RET: variants seen among roughly 807,000 people sequenced by gnomAD.
RET encodes the protein proto-oncogene tyrosine-protein kinase receptor Ret.
In RET, 19 loss-of-function variants were observed where a neutral mutation model predicts 118.3. The observed-to-expected ratio is 0.16, with a 90% CI of 0.11 to 0.24. The LOEUF is 0.24. Among genes scored for constraint, RET ranks in the 10% least tolerant of loss-of-function variants. The probability of loss-of-function intolerance (pLI) is 1.00; values close to 1 mark genes in which losing one functional copy is unlikely to be tolerated. For missense variants in RET, 1,219 were observed against 1,502.1 expected, an observed-to-expected ratio of 0.81 and a Z score of 3.12; for synonymous variants, 597 against 644.1, an observed-to-expected ratio of 0.93 and a Z score of 1.11.
intron 1 of RET, among the ~76,000 whole-genome samples, chr10:43,089,216 GT>G (rs1247943157): frequency 1.3e-5 from 2 of 152,238 alleles, no homozygotes; most frequent in Non-Finnish European, 2.9e-5. Context: ...CTCAGGGAGG[GT>G]GCACATGGGT....
At position 43,116,319 on chromosome 10, in the gene RET, G is replaced by A. The variant is rs1838068866; in HGVS notation, c.2137-265G>A. 2.0e-5 allele frequency among the ~76,000 whole-genome samples: 3 copies of A among 152,366 alleles called. No homozygotes were observed. The South Asian group carries it at 6.2e-4, about 32-fold the overall frequency. On this transcript the variant is annotated intron_variant, in intron 11 of 19. Transcript: ENST00000355710. ...CCTGGGGCAGGGGTCAGGGGAGACA[G>A]TAGACCAGGAACCAGAGAGGGTCGA...
At chr10:43,100,357 C>T (rs933072435) in intron 1 of RET, 102 bp from the exon 2 acceptor site, 2 of 1,385,068 alleles carry the variant, frequency 1.4e-6, no homozygotes, top group African/African-American at 1.4e-5. Flanking sequence ...AGATGAAAAA[C>T]TCCTGCTAAG....
In RET at chr10:43,114,661, C is replaced by T. The variant is rs1236296845; in HGVS notation, c.2061C>T (p.Tyr687=). 1 of 1,613,048 alleles carries T rather than the reference C, an allele frequency of 6.2e-7. No homozygotes were observed. ...CCGCCCAGGCCTTCCCGGTCAGCTA[C>T]TCCTCTTCCGGTGCCCGCCGGCCCT... The part of the protein sequence containing the change: ...RRPAQAFPVS[Y]SSSGARRPSL... The change falls in exon 11 of 20, where the codon TAC becomes TAT. Residue 687 remains tyrosine (Y), a synonymous_variant. Coordinates refer to ENST00000355710, the MANE Select transcript of RET (RefSeq NM_020975.6). This position sits in a 1 kb window ranked among gnomAD's most constrained non-coding sequence, Gnocchi z 4.6.
At chr10:43,119,992 C>T (rs2132955531) in intron 14 of RET, 89 bp from the exon 15 acceptor site, 1 of 1,578,318 alleles carries the variant, frequency 6.3e-7, no homozygotes, top group Non-Finnish European at 8.6e-7. Context: ...CCGGGCCACA[C>T]ACCACCCCTC....
At position 43,116,673 on chromosome 10, in the gene RET, G is replaced by A. The variant is rs762876946; in HGVS notation, c.2226G>A (p.Thr742=). Residue 742 remains threonine, a synonymous_variant, in exon 12 of 20, where the codon ACG becomes ACA. Transcript: ENST00000355710. ...EGEFGKVVKA[T]AFHLKGRAGY... ...AATTTGGAAAAGTGGTCAAGGCAAC[G>A]GCCTTCCATCTGAAAGGCAGAGCAG... is the stretch of plus-strand genomic sequence containing the variant. The A allele has an allele frequency of 8.5e-5, 138 of 1,614,038 alleles. 1 individual carries two copies. The South Asian group carries it at 1.1e-3, about 12-fold the overall frequency.
chr10:43,081,759 C>T (rs886756624), intron 1 of RET, among the ~76,000 whole-genome samples: 1 of 152,174 alleles, frequency 6.6e-6, no homozygotes, highest in East Asian at 1.9e-4. Flanking sequence ...GGCCCCAGGC[C>T]CACCAGAGCC....
intron 1 of RET, among the ~76,000 whole-genome samples, chr10:43,082,693 G>A (rs1178699876): frequency 6.6e-6 from 1 of 152,242 alleles, no homozygotes; most frequent in African/African-American, 2.4e-5. Context: ...GGCAGGAGCA[G>A]GACAGTGGCC....
chr10:43,127,423 G>A (rs1838359985), intron 19 of RET: 6 of 1,057,604 alleles, frequency 5.7e-6, no homozygotes, highest in Admixed American at 5.2e-5. Context: ...CATGGTCTGT[G>A]GTGCTGTGGT....
intron 18 of RET, among the ~76,000 whole-genome samples, chr10:43,126,002 C>T (rs1241861304): frequency 6.6e-6 from 1 of 152,212 alleles, no homozygotes; most frequent in Non-Finnish European, 1.5e-5. Flanking sequence ...ACGCCAGTGG[C>T]CCCTCGTGCT....
chr10:43,077,670 A>T (rs750670909), intron 1 of RET, among the ~76,000 whole-genome samples: 28 of 152,212 alleles, frequency 1.8e-4, no homozygotes, highest in Non-Finnish European at 3.5e-4. Context: ...AGCAAACGGG[A>T]CAGCCGTTTC....
At chr10:43,107,510 T>C (rs1837808806) in intron 5 of RET, among the ~76,000 whole-genome samples, 1 of 151,482 alleles carries the variant, frequency 6.6e-6, no homozygotes, top group African/African-American at 2.4e-5. Context: ...AGGGCTCTAG[T>C]GTGTCCTTCC....
intron 1 of RET, among the ~76,000 whole-genome samples, chr10:43,092,593 T>G (rs1837433529): frequency 6.6e-6 from 1 of 152,216 alleles, no homozygotes. Context: ...AAAGTTAGAT[T>G]ATAGTCCCAG....
Position 43,114,652 on chromosome 10 carries a change from G to A in RET, c.2052G>A (p.Pro684=), listed in dbSNP as rs145122337. The stretch of plus-strand genomic sequence containing the variant: ...TCCGGAGGCCCGCCCAGGCCTTCCC[G>A]GTCAGCTACTCCTCTTCCGGTGCCC... ...MTFRRPAQAF[P]VSYSSSGARR... Residue 684 remains proline, a synonymous_variant, in exon 11 of 20, where the codon CCG becomes CCA. Coordinates refer to ENST00000355710, the MANE Select transcript of RET (RefSeq NM_020975.6). The surrounding 1 kb of genome is among the most constrained non-coding windows in gnomAD (Gnocchi z 4.6). 2.1e-4 allele frequency: 332 copies of A among 1,612,856 alleles called. 1 individual carries two copies. In the Middle Eastern group the frequency reaches 4.6e-3, roughly 22 times the overall value.
intron 1 of RET, among the ~76,000 whole-genome samples, chr10:43,088,183 G>T (rs965204255): frequency 2.0e-5 from 3 of 151,722 alleles, no homozygotes; most frequent in Non-Finnish European, 4.4e-5. Flanking sequence ...AACGGTGATG[G>T]TGGTGGTGAT....
Position 43,100,794 on chromosome 10 carries a change from G to A in RET, c.337+72G>A, listed in dbSNP as rs557466104. 119 of 1,425,356 alleles carry A rather than the reference G, an allele frequency of 8.3e-5. No homozygotes were observed. In the African/African-American group the frequency reaches 1.1e-3, roughly 13 times the overall value. 88.3% of individuals were successfully genotyped at this position (1,425,356 alleles called of 1,614,324 possible). A position where few individuals can be genotyped will look rare whatever the true frequency, so the allele number is the denominator to read the frequency against. On this transcript the variant is annotated intron_variant, in intron 2 of 19. Transcript: ENST00000355710. ...TCCTCAAGCCGCCCTTATCACAGCC[G>A]CTGACACTGAAGCTTGGCATGGCTT...
intron 1 of RET, among the ~76,000 whole-genome samples, chr10:43,078,165 G>C (rs1328226869): frequency 6.6e-6 from 1 of 152,258 alleles, no homozygotes; most frequent in African/African-American, 2.4e-5. Flanking sequence ...AACTCTGGCA[G>C]AGTGAGCCGC....
Position 43,077,209 on chromosome 10 carries a change from G to T in RET, c.-50G>T. On this transcript the variant is annotated 5_prime_UTR_variant, in exon 1 of 20. Coordinates refer to ENST00000355710, the MANE Select transcript of RET (RefSeq NM_020975.6). ...AGCGCCGCACCCGCCATCCAGACCC[G>T]CCGGCCCTAGCCGCAGTCCCTCCAG... 6.9e-7 allele frequency: 1 copy of T among 1,455,784 alleles called. No homozygotes were observed. Among genetic ancestry groups the T allele is most frequent in the Non-Finnish European group, 9.1e-7 (1 of 1,104,748 alleles). 90.2% of individuals were successfully genotyped at this position (1,455,784 alleles called of 1,614,324 possible).
chr10:43,085,775 T>C (rs189902351), intron 1 of RET, among the ~76,000 whole-genome samples: 17 of 137,100 alleles, frequency 1.2e-4, no homozygotes, highest in Middle Eastern at 4.0e-3. Context: ...AGCCTTGGGT[T>C]TGGATTCTTC....
At chr10:43,104,331 A>G (rs529790805) in intron 3 of RET, among the ~76,000 whole-genome samples, 13 of 150,864 alleles carry the variant, frequency 8.6e-5, no homozygotes, top group African/African-American at 3.2e-4. Flanking sequence ...AAGGTCACCA[A>G]TATGGTGAAA....
Sources: gnomAD v4.1 joint callset for allele counts (sites outside exome capture counted in the v4.1 genomes callset) on GRCh38, gnomAD v4.1.1 for gene constraint, Gnocchi (gnomAD v3.1) non-coding constraint, MANE v1.5 for transcripts, NCBI Gene and HGNC (gene_info 2026-07-23, HGNC 2026-07-21) for gene names.